The following UQCRB variants were observed in gnomAD, a reference collection of about 807,000 sequenced individuals.
The protein encoded by UQCRB is ubiquinol-cytochrome c reductase binding protein, also known as cytochrome b-c1 complex subunit 7.
In UQCRB, 12 loss-of-function variants were observed where a neutral mutation model predicts 19.8. The ratio of observed to expected loss-of-function variants is 0.61; its 90% CI spans 0.39 to 0.98. The LOEUF (loss-of-function observed/expected upper bound fraction) is 0.98. UQCRB is among the 50% of genes least tolerant of loss of function. UQCRB has a pLI of 0.00. For missense variants in UQCRB, 142 were observed against 131.8 expected (o/e 1.08, Z -0.38); for synonymous variants, 39 against 42.9 (o/e 0.91, Z 0.35).
Position 96,231,113 on chromosome 8 carries a change from G to A in UQCRB, c.278C>T (p.Pro93Leu), listed in dbSNP as rs751168289. ...TTCCCGAATAACCTCTTTCAGATAC[G>A]GTTCAAGGTAGAAATTTTCCTAAAG... ...KYEEENFYLEPYLKEVIRERK... is the reference protein window; with the variant it reads ...KYEEENFYLELYLKEVIRERK... The change falls in exon 4 of 4, where the codon CCG becomes CTG. Residue 93 changes from proline (P) to leucine (L), a missense_variant. Coordinates refer to ENST00000287022, the MANE Select transcript of UQCRB (RefSeq NM_006294.5). 9.9e-6 allele frequency: 16 copies of A among 1,613,718 alleles called. No homozygotes were observed. Among genetic ancestry groups the A allele is most frequent in the Middle Eastern group, 1.7e-4 (1 of 6,060 alleles).
intron 1 of UQCRB, chr8:96,234,402 C>G (rs151329299): frequency 0.02 from 15,990 of 803,632 alleles, 218 homozygotes; most frequent in Non-Finnish European, 0.025. Flanking sequence ...TCTGTTACTA[C>G]AGAAGGGGAA....
intron 3 of UQCRB, chr8:96,231,443 C>G: frequency 6.5e-7 from 1 of 1,535,902 alleles, no homozygotes; most frequent in African/African-American, 1.4e-5. Flanking sequence ...TTCTTGGGAT[C>G]TGGAGGGACA....
At chr8:96,232,143 G>A (rs901749231) in intron 2 of UQCRB, 11 of 594,722 alleles carry the variant, frequency 1.8e-5, no homozygotes, top group African/African-American at 1.7e-4. Flanking sequence ...TAAAAGTAAT[G>A]AGTTATTACT....
rs1809650771 is a variant in UQCRB, at chr8:96,230,762, T to C, written c.*293A>G. Reference sequence around the variant, plus strand: ...AAGGATGTAACTTACGGAAGTTATATCCTTCCATAAACTGATAGGCTATCC... The same window carrying C: ...AAGGATGTAACTTACGGAAGTTATACCCTTCCATAAACTGATAGGCTATCC... On this transcript the variant is annotated 3_prime_UTR_variant, in exon 4 of 4. Coordinates refer to ENST00000287022, the MANE Select transcript of UQCRB (RefSeq NM_006294.5). 1.8e-6 allele frequency: 1 copy of C among 556,800 alleles called. No homozygotes were observed. The highest frequency in any genetic ancestry group is 3.4e-6 in the Non-Finnish European group (1 of 292,340). 34.5% of individuals were successfully genotyped at this position (556,800 alleles called of 1,614,324 possible). A position where few individuals can be genotyped will look rare whatever the true frequency, so the allele number is the denominator to read the frequency against.
intron 3 of UQCRB, 117 bp downstream of exon 3, chr8:96,231,657 C>T (rs1439632287): frequency 4.1e-6 from 6 of 1,471,136 alleles, no homozygotes; most frequent in African/African-American, 2.8e-5. Flanking sequence ...ATTAACCTCA[C>T]ATATTTATTT....
In UQCRB at chr8:96,223,896, G is replaced by C. The variant is rs1809485901; in HGVS notation, c.*7159C>G. The stretch of plus-strand genomic sequence containing the variant: ...TCTGATTGGAAGCAGATCTATCATG[G>C]GTAGAGGCAGACAGGTGGGGGTGGT... On this transcript the variant is annotated 3_prime_UTR_variant, in exon 4 of 4. Coordinates refer to ENST00000287022, the MANE Select transcript of UQCRB (RefSeq NM_006294.5). 6.6e-6 allele frequency among the ~76,000 whole-genome samples: 1 copy of C among 152,182 alleles called. No homozygotes were observed. The highest frequency in any genetic ancestry group is 6.5e-5 in the Admixed American group (1 of 15,286).
chr8:96,231,640 T>C lies in UQCRB; in HGVS notation c.258+134A>G, dbSNP rs757930947. On this transcript the variant is annotated intron_variant, in intron 3 of 3. Transcript: ENST00000287022. Reference sequence around the variant, plus strand: ...TTTTCTTCTAAAACGGAAATAACATTTGCTTTATTAACCTCACATATTTAT... The same window carrying C: ...TTTTCTTCTAAAACGGAAATAACATCTGCTTTATTAACCTCACATATTTAT... The C allele has an allele frequency of 1.1e-5, 16 of 1,413,516 alleles. No individual in the cohort carries two copies. The Admixed American group carries it at 1.8e-4, about 16-fold the overall frequency. The allele number at this position is 1,413,516 out of a possible 1,614,324, so 87.6% of individuals were successfully genotyped here.
At position 96,228,528 on chromosome 8, in the gene UQCRB, C is replaced by T. The variant is rs756973339; in HGVS notation, c.*2527G>A. ...GAGAGGAGACCTTGGACCTTAGCTA[C>T]TGGTTAGCTATTCGACATTGATGAT... On this transcript the variant is annotated 3_prime_UTR_variant, in exon 4 of 4. Coordinates refer to ENST00000287022, the MANE Select transcript of UQCRB (RefSeq NM_006294.5). The T allele has an allele frequency of 2.9e-5, 13 of 454,010 alleles. No individual in the cohort carries two copies. Among genetic ancestry groups the T allele is most frequent in the Non-Finnish European group, 5.3e-5 (12 of 226,802 alleles). The allele number at this position is 454,010 out of a possible 1,614,324, so 28.1% of individuals were successfully genotyped here.
In UQCRB at chr8:96,231,832, A is replaced by T. The variant is rs139283183; in HGVS notation, c.200T>A (p.Leu67Gln). The T allele has an allele frequency of 8.3e-4, 1,337 of 1,614,178 alleles. 14 individuals are homozygous for T. Among genetic ancestry groups the T allele is most frequent in the South Asian group, 6.0e-3 (542 of 91,082 alleles). ...NDRMFRIKRA[L>Q]DLNLKHQILP... ...GATCTGATGCTTCAAGTTCAGGTCC[A>T]GTGCCCTCTTAATGCGAAACATCCT... The change falls in exon 3 of 4, where the codon CTG (leucine) becomes CAG (glutamine). Residue 67 changes from leucine to glutamine, a missense_variant. Coordinates refer to ENST00000287022, the MANE Select transcript of UQCRB (RefSeq NM_006294.5).
At position 96,229,596 on chromosome 8, in the gene UQCRB, C is replaced by G. The variant is rs1809611130; in HGVS notation, c.*1459G>C. 3 of 453,950 alleles carry G rather than the reference C, an allele frequency of 6.6e-6. No individual in the cohort carries two copies. Among genetic ancestry groups the G allele is most frequent in the Non-Finnish European group, 1.3e-5 (3 of 226,788 alleles). 28.1% of individuals were successfully genotyped at this position (453,950 alleles called of 1,614,324 possible). The stretch of plus-strand genomic sequence containing the variant: ...TAGACAAATGCTTTTAAAGGGGGTT[C>G]TAGACAGCCCATCTTCTTGGCCTCC... On this transcript the variant is annotated 3_prime_UTR_variant, in exon 4 of 4. Coordinates refer to ENST00000287022, the MANE Select transcript of UQCRB (RefSeq NM_006294.5).
At chr8:96,232,023 A>G (rs1809690822) in intron 2 of UQCRB, 83 bp from the exon 3 acceptor site, 4 of 1,339,828 alleles carry the variant, frequency 3.0e-6, no homozygotes, top group African/African-American at 1.4e-5. Context: ...TTTATGACTT[A>G]TAACTTACAA....
chr8:96,227,215 A>G lies in UQCRB; in HGVS notation c.*3840T>C, dbSNP rs1809544213. On this transcript the variant is annotated 3_prime_UTR_variant, in exon 4 of 4. Coordinates refer to ENST00000287022, the MANE Select transcript of UQCRB (RefSeq NM_006294.5). Reference sequence around the variant, plus strand: ...TCCTGAAACTAAATAACATCTCATAATTCATTGCACAACATATATTAGATT... The same window carrying G: ...TCCTGAAACTAAATAACATCTCATAGTTCATTGCACAACATATATTAGATT... 1 of 453,672 alleles carries G rather than the reference A, an allele frequency of 2.2e-6. No homozygotes were observed. The highest frequency in any genetic ancestry group is 4.4e-6 in the Non-Finnish European group (1 of 226,562). The allele number at this position is 453,672 out of a possible 1,614,324, so 28.1% of individuals were successfully genotyped here. A position where few individuals can be genotyped will look rare whatever the true frequency, so the allele number is the denominator to read the frequency against.
chr8:96,226,932 A>G lies in UQCRB; in HGVS notation c.*4123T>C. On this transcript the variant is annotated 3_prime_UTR_variant, in exon 4 of 4. Transcript: ENST00000287022. ...TCTTCTTTCTTGCTCAATTGCTAAT[A>G]CAATAAAATTTCTTAGCAAAATATA... 2.2e-6 allele frequency: 1 copy of G among 454,054 alleles called. No individual in the cohort carries two copies. The highest frequency in any genetic ancestry group is 4.4e-6 in the Non-Finnish European group (1 of 226,768). 28.1% of individuals were successfully genotyped at this position (454,054 alleles called of 1,614,324 possible). A position where few individuals can be genotyped will look rare whatever the true frequency, so the allele number is the denominator to read the frequency against.
At position 96,227,099 on chromosome 8, in the gene UQCRB, T is replaced by C; in HGVS notation, c.*3956A>G. The stretch of plus-strand genomic sequence containing the variant: ...AATATTTTAACATCTATAGACTTTA[T>C]TAGGTGTTCCTTATACAGTCATCTG... On this transcript the variant is annotated 3_prime_UTR_variant, in exon 4 of 4. Coordinates refer to ENST00000287022, the MANE Select transcript of UQCRB (RefSeq NM_006294.5). 4.4e-6 allele frequency: 2 copies of C among 453,478 alleles called. No individual in the cohort carries two copies. The highest frequency in any genetic ancestry group is 3.1e-5 in the South Asian group (2 of 64,188). 28.1% of individuals were successfully genotyped at this position (453,478 alleles called of 1,614,324 possible). A position where few individuals can be genotyped will look rare whatever the true frequency, so the allele number is the denominator to read the frequency against.
rs1297644843 is a variant in UQCRB at position 96,224,195 on chromosome 8, A to G, written c.*6860T>C. ...CCAAAGAATGTCCAATGAAGGGACA[A>G]TTAACAAACGGCAGGCAAGGTCAAG... On this transcript the variant is annotated 3_prime_UTR_variant, in exon 4 of 4. Transcript: ENST00000287022. Among the ~76,000 whole-genome samples the G allele has an allele frequency of 3.9e-5, 6 of 152,222 alleles. No homozygotes were observed. The South Asian group carries it at 8.3e-4, about 21-fold the overall frequency.
rs570368356 is a variant in UQCRB, at chr8:96,226,462, T to C, written c.*4593A>G. ...CTGAGGAAGCCAATCTTTAGACTAA[T>C]GACTTGCCTAAATCATTGGCCTCAG... On this transcript the variant is annotated 3_prime_UTR_variant, in exon 4 of 4. Transcript: ENST00000287022. 28 of 172,260 alleles carry C rather than the reference T, an allele frequency of 1.6e-4. No homozygotes were observed. The highest frequency in any genetic ancestry group is 1.0e-3 in the Admixed American group (17 of 16,758). 10.7% of individuals were successfully genotyped at this position (172,260 alleles called of 1,614,324 possible).
intron 2 of UQCRB, 65 bp from the exon 3 acceptor site, chr8:96,232,005 A>G: frequency 6.7e-7 from 1 of 1,489,472 alleles, no homozygotes; most frequent in Non-Finnish European, 9.3e-7. Context: ...TTAAATTAGT[A>G]AAATACCTTT....
In UQCRB at chr8:96,227,108, C is replaced by T. The variant is rs1380436625; in HGVS notation, c.*3947G>A. On this transcript the variant is annotated 3_prime_UTR_variant, in exon 4 of 4. Coordinates refer to ENST00000287022, the MANE Select transcript of UQCRB (RefSeq NM_006294.5). ...ACATCTATAGACTTTATTAGGTGTT[C>T]CTTATACAGTCATCTGGTATGTTTA... 1 of 453,040 alleles carries T rather than the reference C, an allele frequency of 2.2e-6. No individual in the cohort carries two copies. Among genetic ancestry groups the T allele is most frequent in the South Asian group, 1.6e-5 (1 of 64,182 alleles). The allele number at this position is 453,040 out of a possible 1,614,324, so 28.1% of individuals were successfully genotyped here. A position where few individuals can be genotyped will look rare whatever the true frequency, so the allele number is the denominator to read the frequency against.
Position 96,228,869 on chromosome 8 carries a change from T to C in UQCRB, c.*2186A>G, listed in dbSNP as rs955283296. 2 of 454,014 alleles carry C rather than the reference T, an allele frequency of 4.4e-6. No individual in the cohort carries two copies. Among genetic ancestry groups the C allele is most frequent in the African/African-American group, 4.0e-5 (2 of 50,022 alleles). 28.1% of individuals were successfully genotyped at this position (454,014 alleles called of 1,614,324 possible). On this transcript the variant is annotated 3_prime_UTR_variant, in exon 4 of 4. Coordinates refer to ENST00000287022, the MANE Select transcript of UQCRB (RefSeq NM_006294.5). ...ACCAGACTACAGGACAATGTAGATT[T>C]GGTCTACAGGACAATGCAGAGTGCC...
Sources: gnomAD v4.1 joint callset for allele counts (sites outside exome capture counted in the v4.1 genomes callset) on GRCh38, gnomAD v4.1.1 for gene constraint, MANE v1.5 for transcripts, NCBI Gene and HGNC (gene_info 2026-07-23, HGNC 2026-07-21) for gene names.